Variants in ZBTB7C observed in about 807,000 individuals in gnomAD.
ZBTB7C encodes zinc finger and BTB domain-containing protein 7C.
Under a neutral mutation model 25.7 loss-of-function variants are expected in ZBTB7C, and 8 were observed. That is an observed-to-expected ratio of 0.31 (90% CI 0.18 to 0.56). The LOEUF (loss-of-function observed/expected upper bound fraction) is 0.56. ZBTB7C is among the 20% of genes least tolerant of loss of function. The pLI is 0.91. For synonymous variants in ZBTB7C, 394 were observed against 369.0 expected (o/e 1.07, Z -0.78); for missense variants, 824 against 855.2 (o/e 0.96, Z 0.46).
At position 48,127,639 on chromosome 18, in the gene ZBTB7C, C is replaced by T. The variant is rs540292357; in HGVS notation, c.-17+58295G>A. 4.6e-5 allele frequency among the ~76,000 whole-genome samples: 7 copies of T among 152,350 alleles called. 1 individual carries two copies. The highest frequency in any genetic ancestry group is 3.4e-3 in the Middle Eastern group (1 of 294). On this transcript the variant is annotated intron_variant, in intron 3 of 4. Coordinates refer to ENST00000590800, the MANE Select transcript of ZBTB7C (RefSeq NM_001318841.2). The stretch of plus-strand genomic sequence containing the variant: ...TCCCAGGGCCCCACTGTTCTCCCCT[C>T]GGTTCTCCCCACGTGAGGCTCACTC...
intron 2 of ZBTB7C, among the ~76,000 whole-genome samples, chr18:48,273,770 A>G (rs1369584581): frequency 1.3e-5 from 2 of 152,168 alleles, no homozygotes; most frequent in African/African-American, 4.8e-5. Flanking sequence ...AAGAATCTCT[A>G]ATTTTTAAAC....
In ZBTB7C at chr18:48,328,578, C is replaced by A. The variant is rs138876121; in HGVS notation, c.-79+9596G>T. 5.4e-3 allele frequency among the ~76,000 whole-genome samples: 823 copies of A among 152,226 alleles called. 6 individuals carry two copies. The highest frequency in any genetic ancestry group is 0.019 in the African/African-American group (797 of 41,536). On this transcript the variant is annotated intron_variant, in intron 2 of 4. Coordinates refer to ENST00000590800, the MANE Select transcript of ZBTB7C (RefSeq NM_001318841.2). ...TAAGTCAGAGGCTCAGGGGAGGAAC[C>A]CCCCTCCCAACCCTGCCCCATCCAT...
At chr18:48,110,874 A>G (rs2039214187) in intron 3 of ZBTB7C, among the ~76,000 whole-genome samples, 2 of 152,174 alleles carry the variant, frequency 1.3e-5, no homozygotes, top group African/African-American at 4.8e-5. Flanking sequence ...TAGTCTAGCT[A>G]TGAGCAACCT....
chr18:48,090,311 C>T (rs967078442), intron 3 of ZBTB7C, among the ~76,000 whole-genome samples: 4 of 152,210 alleles, frequency 2.6e-5, no homozygotes, highest in Admixed American at 6.5e-5. Context: ...CAGGGGGCTT[C>T]GGTGCTTGGC....
intron 3 of ZBTB7C, among the ~76,000 whole-genome samples, chr18:48,131,124 G>A (rs958338676): frequency 3.3e-5 from 5 of 152,148 alleles, no homozygotes; most frequent in African/African-American, 1.2e-4. Flanking sequence ...GGCAGGTCTC[G>A]AACTCCTGAC....
At chr18:48,215,467 C>A (rs1220190938) in intron 2 of ZBTB7C, among the ~76,000 whole-genome samples, 3 of 152,192 alleles carry the variant, frequency 2.0e-5, no homozygotes, top group Non-Finnish European at 4.4e-5. Context: ...TACATTGGTT[C>A]AGTCCAGAAA....
At chr18:48,122,635 C>A (rs111717907) in intron 3 of ZBTB7C, among the ~76,000 whole-genome samples, 55 of 152,288 alleles carry the variant, frequency 3.6e-4, no homozygotes, top group African/African-American at 1.3e-3. Context: ...TTACAACAGG[C>A]TCTGGTGAAG....
intron 3 of ZBTB7C, among the ~76,000 whole-genome samples, chr18:48,167,254 C>T (rs2041281399): frequency 6.6e-6 from 1 of 152,218 alleles, no homozygotes. Context: ...GTCCAACCTG[C>T]CCCTCCCACA....
At chr18:48,098,259 C>A (rs1598874541) in intron 3 of ZBTB7C, among the ~76,000 whole-genome samples, 1 of 152,154 alleles carries the variant, frequency 6.6e-6, no homozygotes, top group African/African-American at 2.4e-5. Flanking sequence ...GAGGGAGACG[C>A]CAGCAGCTTC....
At chr18:48,192,526 C>A (rs185896547) in intron 2 of ZBTB7C, among the ~76,000 whole-genome samples, 6 of 152,164 alleles carry the variant, frequency 3.9e-5, no homozygotes, top group African/African-American at 1.2e-4. Context: ...TGCAGTGGTG[C>A]GATCTTGGCT....
intron 3 of ZBTB7C, among the ~76,000 whole-genome samples, chr18:48,078,041 T>C (rs1568200164): frequency 6.6e-6 from 1 of 152,086 alleles, no homozygotes; most frequent in East Asian, 1.9e-4. Flanking sequence ...CCCCATACCA[T>C]GACTCTCCCC....
chr18:48,342,146 C>T (rs2046616465), intron 1 of ZBTB7C, among the ~76,000 whole-genome samples: 1 of 152,184 alleles, frequency 6.6e-6, no homozygotes. Flanking sequence ...TCTACCAGAG[C>T]TTGCCCCCTC....
At chr18:48,097,208 T>G (rs2038665775) in intron 3 of ZBTB7C, among the ~76,000 whole-genome samples, 1 of 152,190 alleles carries the variant, frequency 6.6e-6, no homozygotes, top group Admixed American at 6.5e-5. Flanking sequence ...CTTCTCTACA[T>G]GTGACTGATG....
At chr18:48,106,952 A>C (rs1380427131) in intron 3 of ZBTB7C, among the ~76,000 whole-genome samples, 1 of 152,130 alleles carries the variant, frequency 6.6e-6, no homozygotes, top group African/African-American at 2.4e-5. Context: ...CAGGCTGCCC[A>C]GAATTGTCTG....
chr18:48,066,790 G>A (rs895894140), intron 3 of ZBTB7C, among the ~76,000 whole-genome samples: 7 of 152,190 alleles, frequency 4.6e-5, no homozygotes, highest in African/African-American at 1.2e-4. Context: ...GCCACTAGAC[G>A]TTAGGAGTCT....
At chr18:48,130,195 G>A (rs1447756273) in intron 3 of ZBTB7C, among the ~76,000 whole-genome samples, 2 of 152,202 alleles carry the variant, frequency 1.3e-5, no homozygotes, top group African/African-American at 2.4e-5. Flanking sequence ...CTGCTTCTCT[G>A]CTTAAAATGT....
intron 3 of ZBTB7C, among the ~76,000 whole-genome samples, chr18:48,178,362 G>A (rs1033365334): frequency 1.3e-5 from 2 of 152,234 alleles, no homozygotes; most frequent in Admixed American, 1.3e-4. Flanking sequence ...TCGCACTGCA[G>A]AACAAAAGCA....
chr18:48,063,792 A>G (rs774105708), intron 3 of ZBTB7C, among the ~76,000 whole-genome samples: 9 of 152,194 alleles, frequency 5.9e-5, no homozygotes, highest in Non-Finnish European at 1.3e-4. Flanking sequence ...AGCTTATAGG[A>G]CTGGAATGTA....
At chr18:48,394,843 G>A (rs7239114) in intron 1 of ZBTB7C, among the ~76,000 whole-genome samples, 85,821 of 152,050 alleles carry the variant, frequency 0.56, 25,443 homozygotes, top group African/African-American at 0.72. Context: ...GCTAAGAAAT[G>A]CAAATTCTTG....
Sources: gnomAD v4.1 joint callset for allele counts (sites outside exome capture counted in the v4.1 genomes callset) on GRCh38, gnomAD v4.1.1 for gene constraint, MANE v1.5 for transcripts, NCBI Gene and HGNC (gene_info 2026-07-23, HGNC 2026-07-21) for gene names.